GSG1L: variants seen among roughly 807,000 people sequenced by gnomAD.
GSG1L encodes the protein germ cell-specific gene 1-like protein.
Under a neutral mutation model 42.1 loss-of-function variants are expected in GSG1L, and 24 were observed. The ratio of observed to expected loss-of-function variants is 0.57; its 90% confidence interval spans 0.41 to 0.80. GSG1L has a LOEUF of 0.80. Ranked by LOEUF, GSG1L falls within the 30% of genes least tolerant of loss-of-function variation. The pLI is 0.00. For missense variants in GSG1L, 445 were observed against 472.2 expected (o/e 0.94, Z 0.53); for synonymous variants, 215 against 203.5 (o/e 1.06, Z -0.48).
At position 27,804,678 on chromosome 16, in the gene GSG1L, T is replaced by G. The variant is rs1597461409; in HGVS notation, c.898+2809A>C. Among the ~76,000 whole-genome samples the G allele has an allele frequency of 4.0e-5, 5 of 126,428 alleles. 1 individual carries two copies. Among genetic ancestry groups the G allele is most frequent in the African/African-American group, 1.5e-4 (5 of 32,278 alleles). 82.9% of individuals were successfully genotyped at this position (126,428 alleles called of 152,430 possible). On this transcript the variant is annotated intron_variant, in intron 6 of 6. Coordinates refer to ENST00000447459, the MANE Select transcript of GSG1L (RefSeq NM_001109763.2). ...CTTATCAAATGGGTCTGATGATTCT[T>G]TCACAAGGAGATGCTGCTTGAGGGG...
chr16:27,822,485 T>C (rs2083161062), intron 5 of GSG1L, among the ~76,000 whole-genome samples: 1 of 152,152 alleles, frequency 6.6e-6, no homozygotes, highest in Admixed American at 6.5e-5. Context: ...GGCGCCATCA[T>C]AGCTCGCTGA....
Position 28,020,785 on chromosome 16 carries a change from C to T in GSG1L, c.349+42291G>A, listed in dbSNP as rs12444406. ...CCAGCTGCCATGTTGTGAGGACGCTCAAGCAGCCCCGTGGCAAGGTTCATG... is the reference window on the plus strand; with the variant it reads ...CCAGCTGCCATGTTGTGAGGACGCTTAAGCAGCCCCGTGGCAAGGTTCATG... On this transcript the variant is annotated intron_variant, in intron 1 of 6. Coordinates refer to ENST00000447459, the MANE Select transcript of GSG1L (RefSeq NM_001109763.2). 3.7e-3 allele frequency among the ~76,000 whole-genome samples: 569 copies of T among 152,304 alleles called. 1 individual carries two copies. The highest frequency in any genetic ancestry group is 6.8e-3 in the Admixed American group (104 of 15,300).
chr16:27,819,936 A>C (rs141535274), intron 5 of GSG1L, among the ~76,000 whole-genome samples: 28 of 152,258 alleles, frequency 1.8e-4, no homozygotes, highest in African/African-American at 6.7e-4. Flanking sequence ...GCAGCCACAG[A>C]CTAGGACGAT....
intron 1 of GSG1L, among the ~76,000 whole-genome samples, chr16:28,020,050 T>C (rs1274548624): frequency 6.6e-6 from 1 of 152,178 alleles, no homozygotes; most frequent in Non-Finnish European, 1.5e-5. Flanking sequence ...TCCTGTTCTG[T>C]GTTTGAAAGT....
At chr16:27,904,724 C>T (rs796245813) in intron 2 of GSG1L, among the ~76,000 whole-genome samples, 18 of 152,248 alleles carry the variant, frequency 1.2e-4, no homozygotes, top group African/African-American at 4.3e-4. Flanking sequence ...AGGGCCTTTG[C>T]ACATGCTTTC....
At chr16:27,846,740 G>T (rs924254025) in intron 3 of GSG1L, among the ~76,000 whole-genome samples, 1 of 152,078 alleles carries the variant, frequency 6.6e-6, no homozygotes, top group African/African-American at 2.4e-5. Flanking sequence ...GGATCACGAG[G>T]TCAGGAGATT....
intron 1 of GSG1L, among the ~76,000 whole-genome samples, chr16:27,969,347 A>G (rs146015675): frequency 1.8e-3 from 276 of 152,298 alleles, no homozygotes; most frequent in African/African-American, 6.3e-3. Flanking sequence ...TAGTCTGGTC[A>G]TTTCATGTAA....
chr16:27,806,471 G>A (rs1388693346), intron 6 of GSG1L, among the ~76,000 whole-genome samples: 1 of 152,210 alleles, frequency 6.6e-6, no homozygotes, highest in East Asian at 1.9e-4. Context: ...ATATTTACAA[G>A]GTACAGGGAA....
At chr16:27,902,831 C>T (rs1273355378) in intron 2 of GSG1L, among the ~76,000 whole-genome samples, 1 of 152,164 alleles carries the variant, frequency 6.6e-6, no homozygotes, top group East Asian at 1.9e-4. Flanking sequence ...GTGACACATG[C>T]GGGAACAGGA....
At chr16:27,958,411 T>TAAAAA (rs767157230) in intron 2 of GSG1L, among the ~76,000 whole-genome samples, 2 of 117,566 alleles carry the variant, frequency 1.7e-5, no homozygotes, top group African/African-American at 3.1e-5. Context: ...AGACTCCATC[T>TAAAAA]AAAAAAAAAA....
intron 3 of GSG1L, among the ~76,000 whole-genome samples, chr16:27,867,958 C>T (rs1014818304): frequency 1.1e-4 from 17 of 152,274 alleles, no homozygotes; most frequent in African/African-American, 3.9e-4. Context: ...CCTTGCTACA[C>T]TCACTCCACT....
chr16:27,800,794 T>C (rs939026401), intron 6 of GSG1L, among the ~76,000 whole-genome samples: 2 of 152,220 alleles, frequency 1.3e-5, no homozygotes, highest in African/African-American at 4.8e-5. Context: ...GCACCTATTA[T>C]GTGCCACACA....
rs778941623 is a variant in GSG1L, at chr16:27,807,502, C to G, written c.883G>C (p.Glu295Gln). ...GGCCACTTACGGGCAGGGTATCTCT[C>G]GTGGCGGCAGTCTAAGTGAAAGTCC... ...EEDFHLDCRH[E>Q]RYPARHQPHM... Residue 295 changes from glutamate to glutamine, a missense_variant, in exon 6 of 7, where the codon GAG becomes CAG. Physicochemically the swap from Glu to Gln is conservative, Grantham distance 29 (BLOSUM62 2). Around this residue, in one of 3 missense-constraint regions of GSG1L, gnomAD observed 140 missense variants for 120.6 expected, o/e 1.16. Coordinates refer to ENST00000447459, the MANE Select transcript of GSG1L (RefSeq NM_001109763.2). 1.2e-6 allele frequency: 2 copies of G among 1,613,032 alleles called. No individual in the cohort carries two copies. Among genetic ancestry groups the G allele is most frequent in the African/African-American group, 2.7e-5 (2 of 74,858 alleles).
chr16:27,899,586 G>A (rs976410350), intron 2 of GSG1L, among the ~76,000 whole-genome samples: 5 of 152,268 alleles, frequency 3.3e-5, no homozygotes, highest in East Asian at 1.9e-4. Context: ...GTGTGGTGGC[G>A]TGCACCTGTG....
chr16:28,048,370 T>G (rs890973040), intron 1 of GSG1L, among the ~76,000 whole-genome samples: 4 of 152,186 alleles, frequency 2.6e-5, no homozygotes, highest in African/African-American at 9.7e-5. Context: ...ATAGGCTACT[T>G]TCTCTATCAT....
At chr16:27,828,664 C>A (rs2083240373) in intron 5 of GSG1L, 125 bp downstream of exon 5, 4 of 857,704 alleles carry the variant, frequency 4.7e-6, no homozygotes, top group Non-Finnish European at 7.2e-6. Context: ...TTCTGCCTCC[C>A]CCCTCCATAA....
intron 5 of GSG1L, among the ~76,000 whole-genome samples, chr16:27,825,593 C>T (rs1459424498): frequency 3.9e-5 from 6 of 152,092 alleles, no homozygotes; most frequent in African/African-American, 7.2e-5. Flanking sequence ...CCCAGGAGGT[C>T]GAGGCTGCAG....
intron 5 of GSG1L, among the ~76,000 whole-genome samples, chr16:27,824,391 A>C (rs571674552): frequency 6.6e-6 from 1 of 152,282 alleles, no homozygotes; most frequent in East Asian, 1.9e-4. Flanking sequence ...AGGAGAAGGA[A>C]ACCTGGGCAG....
At chr16:27,963,930 CT>C (rs2141108819) in intron 1 of GSG1L, among the ~76,000 whole-genome samples, 2 of 152,252 alleles carry the variant, frequency 1.3e-5, no homozygotes, top group South Asian at 4.1e-4. Flanking sequence ...AGAGAGTGTA[CT>C]GACCGCCAAG....
Sources: allele counts gnomAD v4.1 joint callset (sites outside exome capture counted in the v4.1 genomes callset), GRCh38; gene constraint gnomAD v4.1.1; regional missense constraint gnomAD v4.1.1; transcripts MANE v1.5; gene names NCBI Gene and HGNC (gene_info 2026-07-23, HGNC 2026-07-21).